The following MICU1 variants were observed in gnomAD, a reference collection of about 807,000 sequenced individuals.
MICU1 encodes the protein mitochondrial calcium uptake 1.
In MICU1, 45 loss-of-function variants were observed where a neutral mutation model predicts 56.8. The observed-to-expected ratio is 0.79, with a 90% CI of 0.62 to 1.02. The LOEUF (loss-of-function observed/expected upper bound fraction) is 1.02. Among genes scored for constraint, MICU1 ranks in the 50% least tolerant of loss-of-function variants. The pLI, the probability that MICU1 is intolerant of heterozygous loss-of-function variation, is 0.00. For synonymous variants in MICU1, 186 were observed against 195.1 expected, an observed-to-expected ratio of 0.95 and a Z score of 0.39; for missense variants, 504 against 587.1, an observed-to-expected ratio of 0.86 and a Z score of 1.46.
intron 11 of MICU1, among the ~76,000 whole-genome samples, chr10:72,374,661 G>C (rs1862455432): frequency 6.6e-6 from 1 of 152,028 alleles, no homozygotes; most frequent in African/African-American, 2.4e-5. Flanking sequence ...TTTTGAGCAG[G>C]CTCTTGAATT....
chr10:72,423,628 G>C (rs1373408603), intron 8 of MICU1, among the ~76,000 whole-genome samples: 2 of 152,194 alleles, frequency 1.3e-5, no homozygotes, highest in Non-Finnish European at 2.9e-5. Context: ...GAAAGATGAG[G>C]CTGGGACTTG....
intron 4 of MICU1, among the ~76,000 whole-genome samples, chr10:72,539,451 T>C (rs982172929): frequency 6.6e-5 from 10 of 152,194 alleles, no homozygotes; most frequent in African/African-American, 2.2e-4. Context: ...TTGGAAACTT[T>C]ACAAAGATGT....
intron 1 of MICU1, among the ~76,000 whole-genome samples, chr10:72,597,794 G>A (rs1455469528): frequency 6.6e-6 from 1 of 152,154 alleles, no homozygotes; most frequent in Non-Finnish European, 1.5e-5. Context: ...GCAGCTGAAG[G>A]AGGCTGGATT....
intron 8 of MICU1, among the ~76,000 whole-genome samples, chr10:72,452,819 AGTAT>A (rs1865339858): frequency 6.6e-6 from 1 of 151,606 alleles, no homozygotes; most frequent in Non-Finnish European, 1.5e-5. Context: ...ATAGCCTGGC[AGTAT>A]TCATTTACTA....
In MICU1 at chr10:72,566,749, C is replaced by T. The variant is rs1451267188; in HGVS notation, c.45G>A (p.Val15=). 2.5e-6 allele frequency: 4 copies of T among 1,612,304 alleles called. No homozygotes were observed. Among genetic ancestry groups the T allele is most frequent in the Non-Finnish European group, 3.4e-6 (4 of 1,179,262 alleles). The part of the protein sequence containing the change: ...NSLSALAELA[V]GSRWYHGGSQ... ...ATCCTCCATGGTACCATCGAGAACC[C>T]ACAGCCAGTTCTGCCAAAGCAGAAA... The change falls in exon 2 of 12, where the codon GTG becomes GTA. Residue 15 remains valine (V), a synonymous_variant. Coordinates refer to ENST00000361114, the MANE Select transcript of MICU1 (RefSeq NM_001195518.2).
At chr10:72,418,720 C>T (rs1453785125) in intron 9 of MICU1, among the ~76,000 whole-genome samples, 1 of 152,180 alleles carries the variant, frequency 6.6e-6, no homozygotes, top group East Asian at 1.9e-4. Flanking sequence ...TGAAAACTTA[C>T]ATTTTCATGT....
At position 72,408,046 on chromosome 10, in the gene MICU1, G is replaced by A. The variant is rs145888746; in HGVS notation, c.1072-9C>T. On this transcript the variant is annotated splice_polypyrimidine_tract_variant and intron_variant, in intron 9 of 11. Transcript: ENST00000361114. ...TCCTGAAATGTCAGACCCTGCAAGAGGAGAGACAGCAAGGTAAGGCAGGAC... is the reference window on the plus strand; with the variant it reads ...TCCTGAAATGTCAGACCCTGCAAGAAGAGAGACAGCAAGGTAAGGCAGGAC... The A allele has an allele frequency of 1.9e-6, 3 of 1,592,760 alleles. No individual in the cohort carries two copies. The highest frequency in any genetic ancestry group is 2.7e-5 in the African/African-American group (2 of 74,610).
At chr10:72,502,167 T>G (rs10823930) in intron 6 of MICU1, among the ~76,000 whole-genome samples, 66,819 of 146,938 alleles carry the variant, frequency 0.45, 19,214 homozygotes, top group Non-Finnish European at 0.66. Flanking sequence ...TGTTTTTTTT[T>G]TTTTTTTGAG....
intron 5 of MICU1, among the ~76,000 whole-genome samples, chr10:72,518,783 C>T (rs1375613982): frequency 6.6e-6 from 1 of 152,070 alleles, no homozygotes; most frequent in Non-Finnish European, 1.5e-5. Context: ...TGGGTTCAAG[C>T]GATTCTCTTG....
rs1177937413 is a variant in MICU1 at position 72,620,756 on chromosome 10, C to CTAAAAA, written c.-2+5253_-2+5254insTTTTTA. ...AAACAGAACTAAAACACCTCTCCCA[C>CTAAAAA]GATGTGGCAATATTTAACTTTTCAA... On this transcript the variant is annotated intron_variant, in intron 1 of 11. Transcript: ENST00000361114. Among the ~76,000 whole-genome samples, 725 of 152,274 alleles carry CTAAAAA rather than the reference C, an allele frequency of 4.8e-3. 4 individuals carry two copies. Among genetic ancestry groups the CTAAAAA allele is most frequent in the African/African-American group, 0.017 (697 of 41,540 alleles).
intron 10 of MICU1, among the ~76,000 whole-genome samples, chr10:72,403,812 C>T (rs1863541153): frequency 6.6e-6 from 1 of 151,694 alleles, no homozygotes; most frequent in Non-Finnish European, 1.5e-5. Context: ...CCCATCACCA[C>T]ACCCAGCTAA....
chr10:72,531,293 T>C (rs1222552978), intron 5 of MICU1, among the ~76,000 whole-genome samples: 1 of 152,236 alleles, frequency 6.6e-6, no homozygotes, highest in African/African-American at 2.4e-5. Flanking sequence ...TTTCTGGCTA[T>C]AATGCATAAA....
At chr10:72,611,980 G>C (rs895526458) in intron 1 of MICU1, among the ~76,000 whole-genome samples, 4 of 140,218 alleles carry the variant, frequency 2.9e-5, no homozygotes, top group African/African-American at 1.1e-4. Flanking sequence ...GAGCAACACA[G>C]TGAGACCTTA....
chr10:72,469,906 T>C (rs1865899952), intron 8 of MICU1, among the ~76,000 whole-genome samples: 1 of 152,174 alleles, frequency 6.6e-6, no homozygotes, highest in Admixed American at 6.5e-5. Flanking sequence ...TTGTTGTGCC[T>C]AAATCTCTTC....
chr10:72,509,220 G>A (rs922380258), intron 5 of MICU1, among the ~76,000 whole-genome samples: 1 of 152,146 alleles, frequency 6.6e-6, no homozygotes, highest in South Asian at 2.1e-4. Flanking sequence ...ATTATTTTGA[G>A]TATAAAAAAT....
intron 10 of MICU1, chr10:72,392,058 T>C (rs997104949): frequency 2.0e-5 from 3 of 152,424 alleles, no homozygotes; most frequent in Admixed American, 6.5e-5. Context: ...TCGTGAAGTG[T>C]TCCATATTTT....
At chr10:72,620,396 G>A (rs529312932) in intron 1 of MICU1, among the ~76,000 whole-genome samples, 12 of 152,176 alleles carry the variant, frequency 7.9e-5, no homozygotes, top group Non-Finnish European at 1.6e-4. Context: ...ACGTTGCCCA[G>A]GCTGGTTTCG....
intron 8 of MICU1, among the ~76,000 whole-genome samples, chr10:72,433,677 G>A (rs1460034774): frequency 2.0e-5 from 3 of 152,062 alleles, no homozygotes; most frequent in Admixed American, 6.6e-5. Context: ...TGATCCACCC[G>A]CTTCAGCCTC....
intron 5 of MICU1, among the ~76,000 whole-genome samples, chr10:72,510,984 A>G (rs761872935): frequency 3.2e-4 from 49 of 152,196 alleles, no homozygotes; most frequent in Admixed American, 1.1e-3. Flanking sequence ...TTTCCTTTAT[A>G]GCTATTTTCA....
Sources: gnomAD v4.1 joint callset for allele counts (sites outside exome capture counted in the v4.1 genomes callset) on GRCh38, gnomAD v4.1.1 for gene constraint, MANE v1.5 for transcripts, NCBI Gene and HGNC (gene_info 2026-07-23, HGNC 2026-07-21) for gene names.